Variants in PBX1 observed in about 807,000 individuals in gnomAD.
PBX1 encodes the protein pre-B-cell leukemia transcription factor 1.
In PBX1, 6 loss-of-function variants were observed where a neutral mutation model predicts 53.4. The observed-to-expected ratio is 0.11, with a 90% confidence interval of 0.06 to 0.22. PBX1 has a LOEUF of 0.22. PBX1 is among the 10% of genes least tolerant of loss of function. The pLI is 1.00. For synonymous variants in PBX1, 204 were observed against 212.3 expected (o/e 0.96, Z 0.34); for missense variants, 251 against 551.4 (o/e 0.46, Z 5.46).
chr1:164,687,844 A>G (rs1445181762), intron 2 of PBX1, among the ~76,000 whole-genome samples: 2 of 152,172 alleles, frequency 1.3e-5, no homozygotes, highest in Non-Finnish European at 2.9e-5. Context: ...TGGACTTAGC[A>G]CTCACTTAAA....
At chr1:164,823,679 A>G (rs1056542000) in intron 8 of PBX1, among the ~76,000 whole-genome samples, 1 of 152,062 alleles carries the variant, frequency 6.6e-6, no homozygotes, top group African/African-American at 2.4e-5. Context: ...TAATTTCTGA[A>G]ATAGTGTAAC....
At chr1:164,700,126 G>A (rs2102045851) in intron 2 of PBX1, among the ~76,000 whole-genome samples, 1 of 152,314 alleles carries the variant, frequency 6.6e-6, no homozygotes, top group South Asian at 2.1e-4. Flanking sequence ...TTAACCCTTG[G>A]CATGCTGATT....
intron 2 of PBX1, chr1:164,682,734 A>C (rs1356965746): frequency 6.6e-6 from 1 of 152,154 alleles, no homozygotes; most frequent in Non-Finnish European, 1.5e-5. Context: ...TAATCAGGCC[A>C]CTGTGCTCGG....
intron 2 of PBX1, among the ~76,000 whole-genome samples, chr1:164,668,351 T>C (rs1043539233): frequency 6.6e-6 from 1 of 152,076 alleles, no homozygotes; most frequent in Non-Finnish European, 1.5e-5. Context: ...TGGTTCGACT[T>C]TGAGGGTCAG....
chr1:164,778,880 G>T (rs2102269223), intron 2 of PBX1, among the ~76,000 whole-genome samples: 1 of 152,164 alleles, frequency 6.6e-6, no homozygotes, highest in African/African-American at 2.4e-5. Context: ...ACAATTGGAG[G>T]CAGCTGTGAG....
chr1:164,614,214 A>G (rs1335891220), intron 2 of PBX1, among the ~76,000 whole-genome samples: 1 of 152,156 alleles, frequency 6.6e-6, no homozygotes. Flanking sequence ...AAATTAGAGC[A>G]TGTTTTCGAG....
intron 2 of PBX1, among the ~76,000 whole-genome samples, chr1:164,775,444 G>C (rs937930631): frequency 6.6e-6 from 1 of 152,090 alleles, no homozygotes; most frequent in Non-Finnish European, 1.5e-5. Context: ...AAGGATGCCC[G>C]CAGAGACCAT....
At chr1:164,661,827 T>G (rs965420641) in intron 2 of PBX1, among the ~76,000 whole-genome samples, 1 of 152,170 alleles carries the variant, frequency 6.6e-6, no homozygotes, top group Non-Finnish European at 1.5e-5. Context: ...AGAAAAGTAG[T>G]GCTAGCTTTT....
intron 2 of PBX1, among the ~76,000 whole-genome samples, chr1:164,691,214 C>T: frequency 6.6e-6 from 1 of 151,910 alleles, no homozygotes; most frequent in South Asian, 2.1e-4. Flanking sequence ...GGGGTTTCGC[C>T]ATGTTGGCCA....
chr1:164,781,814 C>T (rs1400150595), intron 2 of PBX1, among the ~76,000 whole-genome samples: 3 of 152,046 alleles, frequency 2.0e-5, no homozygotes, highest in Admixed American at 6.6e-5. Flanking sequence ...CCTCTTTTTG[C>T]CAGGAGTTCC....
intron 2 of PBX1, among the ~76,000 whole-genome samples, chr1:164,767,594 G>A (rs1279226780): frequency 6.6e-6 from 1 of 150,484 alleles, no homozygotes; most frequent in African/African-American, 2.4e-5. Context: ...CATCCCCAAA[G>A]AATTCTGATT....
intron 8 of PBX1, among the ~76,000 whole-genome samples, chr1:164,840,908 C>T (rs1671257138): frequency 6.6e-6 from 1 of 152,130 alleles, no homozygotes; most frequent in Admixed American, 6.5e-5. Flanking sequence ...CCATATGTCT[C>T]TCCATGCCCA....
At chr1:164,765,863 T>C (rs1467130881) in intron 2 of PBX1, among the ~76,000 whole-genome samples, 1 of 152,212 alleles carries the variant, frequency 6.6e-6, no homozygotes, top group South Asian at 2.1e-4. Flanking sequence ...CTTAAAATAC[T>C]GTTATGTGAA....
intron 3 of PBX1, among the ~76,000 whole-genome samples, chr1:164,793,669 C>G (rs1249331711): frequency 1.3e-5 from 2 of 152,104 alleles, no homozygotes; most frequent in Non-Finnish European, 2.9e-5. Flanking sequence ...AAGCATGCTA[C>G]TTTATCAGGA....
chr1:164,746,756 A>G (rs1665916398), intron 2 of PBX1, among the ~76,000 whole-genome samples: 1 of 152,134 alleles, frequency 6.6e-6, no homozygotes, highest in Non-Finnish European at 1.5e-5. Context: ...TCATTTTGAT[A>G]AAGCAGTTTT....
chr1:164,646,928 G>A (rs2101912023), intron 2 of PBX1, among the ~76,000 whole-genome samples: 1 of 152,334 alleles, frequency 6.6e-6, no homozygotes, highest in South Asian at 2.1e-4. Flanking sequence ...TACCTTTAGT[G>A]TGGTGGCATT....
At chr1:164,755,115 A>G (rs749836476) in intron 2 of PBX1, among the ~76,000 whole-genome samples, 2 of 152,226 alleles carry the variant, frequency 1.3e-5, no homozygotes, top group Non-Finnish European at 2.9e-5. Flanking sequence ...GAAAAGCAAC[A>G]GAAGATTCCA....
chr1:164,867,383 C>T lies in PBX1; in HGVS notation n.258-31805C>T, dbSNP rs114472245. ...CAGGACAGGCTATAAAATTGGGCTA[C>T]GCAGACTACAGCTCAGAGACCATGC... is the stretch of plus-strand genomic sequence containing the variant. On this transcript the variant is annotated intron_variant and non_coding_transcript_variant, in intron 2 of 2. Coordinates refer to the PBX1 transcript ENST00000558796. Among the ~76,000 whole-genome samples, 336 of 152,294 alleles carry T rather than the reference C, an allele frequency of 2.2e-3. 2 individuals are homozygous for T. The highest frequency in any genetic ancestry group is 7.3e-3 in the African/African-American group (305 of 41,558).
chr1:164,641,166 A>C (rs1489154605), intron 2 of PBX1: 1 of 153,260 alleles, frequency 6.5e-6, no homozygotes, highest in Admixed American at 6.5e-5. Context: ...TCTGACGGTC[A>C]CATTCCATGG....
Sources: allele counts gnomAD v4.1 joint callset (sites outside exome capture counted in the v4.1 genomes callset), GRCh38; gene constraint gnomAD v4.1.1; transcripts MANE v1.5; gene names NCBI Gene and HGNC (gene_info 2026-07-23, HGNC 2026-07-21).